The following ATP13A2 variants were observed in gnomAD, a reference collection of about 807,000 sequenced individuals.
ATP13A2 encodes ATPase cation transporting 13A2, also known as polyamine-transporting ATPase 13A2.
In ATP13A2, 83 loss-of-function variants were observed where a neutral mutation model predicts 138.3. The ratio of observed to expected loss-of-function variants is 0.60; its 90% CI spans 0.50 to 0.72. The LOEUF is 0.72. Ranked by LOEUF, ATP13A2 falls within the 30% of genes least tolerant of loss-of-function variation. The pLI, the probability that ATP13A2 is intolerant of heterozygous loss-of-function variation, is 0.00. For missense variants in ATP13A2, 1,402 were observed against 1,606.4 expected (o/e 0.87, Z 2.17); for synonymous variants, 663 against 699.0 (o/e 0.95, Z 0.81).
chr1:16,992,605 G>T, intron 16 of ATP13A2, 24 bp from the exon 17 acceptor site: 1 of 1,612,558 alleles, frequency 6.2e-7, no homozygotes. Context: ...AGGGAAGTTT[G>T]GTGTCTGGGG....
Position 16,996,510 on chromosome 1 carries a change from G to A in ATP13A2, c.1196-14C>T, listed in dbSNP as rs200896109. ...CCGTGCAGAACCCTGGGGAGGAGGC[G>A]GGGACCCCAAGGCAGGGAAGCCAGG... On this transcript the variant is annotated splice_polypyrimidine_tract_variant and intron_variant, in intron 12 of 28. Transcript: ENST00000326735. 2.4e-4 allele frequency: 392 copies of A among 1,610,934 alleles called. No individual in the cohort carries two copies. The highest frequency in any genetic ancestry group is 3.1e-4 in the Non-Finnish European group (361 of 1,177,596).
Position 16,989,896 on chromosome 1 carries a change from C to A in ATP13A2, c.2520G>T (p.Leu840=). The A allele has an allele frequency of 6.2e-7, 1 of 1,603,584 alleles. No individual in the cohort carries two copies. The highest frequency in any genetic ancestry group is 8.5e-7 in the Non-Finnish European group (1 of 1,174,836). ...FGIIVKHFPK[L]LPKVLVQGTV... ...CTGGGGGCGGCCCTACCTTGGGCAGCAGCTTGGGGAAGTGCTTCACAATGA... is the reference window on the plus strand; with the variant it reads ...CTGGGGGCGGCCCTACCTTGGGCAGAAGCTTGGGGAAGTGCTTCACAATGA... Residue 840 remains leucine (L), a synonymous_variant, in exon 22 of 29, where the codon CTG becomes CTT. Transcript: ENST00000326735.
chr1:16,986,784 C>G lies in ATP13A2; in HGVS notation c.3235+21G>C, dbSNP rs116456892. The stretch of plus-strand genomic sequence containing the variant: ...CCTCCCTCCCTCCGCCAGCATCTCC[C>G]GCCCGCGCCCGCAGTGGCACCATTG... On this transcript the variant is annotated intron_variant, in intron 27 of 28. Transcript: ENST00000326735. The surrounding 1 kb of genome is among the most constrained non-coding windows in gnomAD (Gnocchi z 6.9). 2 of 1,608,116 alleles carry G rather than the reference C, an allele frequency of 1.2e-6. No homozygotes were observed. The highest frequency in any genetic ancestry group is 1.7e-6 in the Non-Finnish European group (2 of 1,178,258).
Position 17,002,686 on chromosome 1 carries a change from C to T in ATP13A2, c.558-313G>A, listed in dbSNP as rs191410052. Among the ~76,000 whole-genome samples, 491 of 152,290 alleles carry T rather than the reference C, an allele frequency of 3.2e-3. 2 individuals are homozygous for T. Among genetic ancestry groups the T allele is most frequent in the African/African-American group, 0.01 (424 of 41,552 alleles). On this transcript the variant is annotated intron_variant, in intron 6 of 28. Coordinates refer to ENST00000326735, the MANE Select transcript of ATP13A2 (RefSeq NM_022089.4). ...CACTGATGATACCCTGGGCAAGTCA[C>T]TTAACCTCTCTGTGCCTCAGTTTTC...
intron 23 of ATP13A2, 138 bp from the exon 24 acceptor site, chr1:16,988,612 AATTATT>A (rs948267327): frequency 5.1e-5 from 40 of 790,726 alleles, no homozygotes; most frequent in African/African-American, 2.5e-4. Context: ...GAATAGATGC[AATTATT>A]ATTATTATTA....
At chr1:17,008,147 G>A (rs2077633039) in intron 1 of ATP13A2, among the ~76,000 whole-genome samples, 1 of 151,832 alleles carries the variant, frequency 6.6e-6, no homozygotes, top group African/African-American at 2.4e-5. Flanking sequence ...CAGTTTTCGT[G>A]TATAAGTCTT....
In ATP13A2 at chr1:17,004,687, C is replaced by A. The variant is rs374708010; in HGVS notation, c.477+5G>T. 1.5e-5 allele frequency: 24 copies of A among 1,614,060 alleles called. No individual in the cohort carries two copies. The highest frequency in any genetic ancestry group is 2.0e-5 in the Non-Finnish European group (24 of 1,180,034). ...GAGAGGGGCAAGGACTTTTTCAGAA[C>A]CCACCTGTCCGACACTCACCGCCTC... On this transcript the variant is annotated splice_donor_5th_base_variant and intron_variant, in intron 5 of 28. Coordinates refer to ENST00000326735, the MANE Select transcript of ATP13A2 (RefSeq NM_022089.4). The surrounding 1 kb of genome is among the most constrained non-coding windows in gnomAD (Gnocchi z 4.1).
chr1:16,996,958 T>G lies in ATP13A2; in HGVS notation c.1195+62A>C, dbSNP rs2100910705. ...GGTTCCAGGTCCCACCCTGCCTCACTCCACCTCTCCCAAGGGTGCTGAGCC... is the reference window on the plus strand; with the variant it reads ...GGTTCCAGGTCCCACCCTGCCTCACGCCACCTCTCCCAAGGGTGCTGAGCC... On this transcript the variant is annotated intron_variant, in intron 12 of 28. Coordinates refer to ENST00000326735, the MANE Select transcript of ATP13A2 (RefSeq NM_022089.4). The G allele has an allele frequency of 1.9e-6, 3 of 1,573,672 alleles. No individual in the cohort carries two copies. In the East Asian group the frequency reaches 7.0e-5, roughly 37 times the overall value.
At chr1:16,988,272 G>GGCTGACCAGCCCT (rs2076806104) in intron 24 of ATP13A2, 38 bp from the exon 25 acceptor site, 1 of 1,614,068 alleles carries the variant, frequency 6.2e-7, no homozygotes. Context: ...GACCCAGGTT[G>GGCTGACCAGCCCT]GCTGACCAGC....
At chr1:17,001,905 C>G in intron 8 of ATP13A2, 129 bp downstream of exon 8, 1 of 938,710 alleles carries the variant, frequency 1.1e-6, no homozygotes, top group Non-Finnish European at 1.6e-6. Context: ...TCTGAGATGA[C>G]GATCCACTAT....
chr1:16,992,726 A>C, intron 16 of ATP13A2, 145 bp from the exon 17 acceptor site: 1 of 798,242 alleles, frequency 1.3e-6, no homozygotes, highest in Non-Finnish European at 2.0e-6. Context: ...TCAAATTCAA[A>C]CTCTAGCTTT....
rs1415884485 is a variant in ATP13A2 at position 16,986,073 on chromosome 1, C to T, written c.*148G>A. 4.6e-6 allele frequency: 7 copies of T among 1,524,248 alleles called. No homozygotes were observed. The highest frequency in any genetic ancestry group is 6.2e-6 in the Non-Finnish European group (7 of 1,134,152). The allele number at this position is 1,524,248 out of a possible 1,614,324, so 94.4% of individuals were successfully genotyped here. The stretch of plus-strand genomic sequence containing the variant: ...TAGGGGACAGTAGTCAACGCTTCCC[C>T]AGGGTGGGGGTGGTCTCGGGGGAGG... On this transcript the variant is annotated 3_prime_UTR_variant, in exon 29 of 29. Transcript: ENST00000326735. The surrounding 1 kb of genome is among the most constrained non-coding windows in gnomAD (Gnocchi z 6.9).
chr1:16,993,715 G>C lies in ATP13A2; in HGVS notation c.1663C>G (p.Leu555Val), dbSNP rs1208562568. The C allele has an allele frequency of 1.3e-6, 2 of 1,593,954 alleles. No individual in the cohort carries two copies. Among genetic ancestry groups the C allele is most frequent in the East Asian group, 2.3e-5 (1 of 44,038 alleles). ...CGGCTGAGGGCATGGCAGGTGGCCA[G>C]TGCTCGGAGCAGGGGCCCCACAGGC... ...RLPVGPLLRA[L>V]ATCHALSRLQ... Residue 555 changes from leucine to valine, a missense_variant, in exon 16 of 29, where the codon CTG (leucine) becomes GTG (valine). By Grantham distance (32) the Leu-to-Val change is conservative. Coordinates refer to ENST00000326735, the MANE Select transcript of ATP13A2 (RefSeq NM_022089.4).
At chr1:16,987,640 G>C (rs1385316598) in intron 25 of ATP13A2, among the ~76,000 whole-genome samples, 1 of 152,230 alleles carries the variant, frequency 6.6e-6, no homozygotes, top group African/African-American at 2.4e-5. Context: ...GGCAGACACA[G>C]GGACAGACCC....
intron 6 of ATP13A2, 89 bp from the exon 7 acceptor site, chr1:17,002,462 A>C: frequency 6.9e-7 from 1 of 1,451,060 alleles, no homozygotes; most frequent in South Asian, 1.2e-5. Context: ...TATGGGCTCT[A>C]GGCCCCCCAT....
At position 16,986,175 on chromosome 1, in the gene ATP13A2, C is replaced by T. The variant is rs2076710304; in HGVS notation, c.*46G>A. The T allele has an allele frequency of 2.0e-5, 33 of 1,612,084 alleles. No homozygotes were observed. The highest frequency in any genetic ancestry group is 2.8e-5 in the Non-Finnish European group (33 of 1,179,422). ...TGCTGGAGAGGGGTCCAGTTGGTGG[C>T]TCAGAGGCAGGGAGTTCCAGTGTCT... On this transcript the variant is annotated 3_prime_UTR_variant, in exon 29 of 29. Coordinates refer to ENST00000326735, the MANE Select transcript of ATP13A2 (RefSeq NM_022089.4). The surrounding 1 kb of genome is among the most constrained non-coding windows in gnomAD (Gnocchi z 6.9).
rs917853844 is a variant in ATP13A2, at chr1:16,995,776, G to A, written c.1542+200C>T. ...CCAGTTCTTGAACACATGAATACAT[G>A]ATTCTAGACATTTCATCTGCCAGAC... On this transcript the variant is annotated intron_variant, in intron 15 of 28. Coordinates refer to ENST00000326735, the MANE Select transcript of ATP13A2 (RefSeq NM_022089.4). The surrounding 1 kb of genome is among the most constrained non-coding windows in gnomAD (Gnocchi z 4.1). 1.3e-6 allele frequency: 1 copy of A among 741,948 alleles called. No homozygotes were observed. The allele number at this position is 741,948 out of a possible 1,614,324, so 46.0% of individuals were successfully genotyped here. A position where few individuals can be genotyped will look rare whatever the true frequency, so the allele number is the denominator to read the frequency against.
rs1274385640 is a variant in ATP13A2 at position 16,990,307 on chromosome 1, G to A, written c.2252-20C>T. 1.9e-6 allele frequency: 3 copies of A among 1,613,622 alleles called. No homozygotes were observed. The highest frequency in any genetic ancestry group is 1.7e-5 in the Admixed American group (1 of 60,000). ...TGTCCCCTGGGGGTTATGGGGCAAGGTGAGGGTCTGAGGCTATCCGGGGAG... is the reference window on the plus strand; with the variant it reads ...TGTCCCCTGGGGGTTATGGGGCAAGATGAGGGTCTGAGGCTATCCGGGGAG... On this transcript the variant is annotated intron_variant, in intron 20 of 28. Coordinates refer to ENST00000326735, the MANE Select transcript of ATP13A2 (RefSeq NM_022089.4).
At position 17,011,892 on chromosome 1, in the gene ATP13A2, G is replaced by GCACCTGGGC. The variant is rs1203942152; in HGVS notation, c.-163_-155dup. The GCACCTGGGC allele has an allele frequency of 1.5e-6, 1 of 654,732 alleles. No homozygotes were observed. Among genetic ancestry groups the GCACCTGGGC allele is most frequent in the Non-Finnish European group, 1.9e-6 (1 of 522,340 alleles). 40.6% of individuals were successfully genotyped at this position (654,732 alleles called of 1,614,324 possible). A position where few individuals can be genotyped will look rare whatever the true frequency, so the allele number is the denominator to read the frequency against. ...CTGGAGCAGGGCTGACGCGGGCGGGGCACCTGGGCCACCAGGCTCGGCGCG... is the reference window on the plus strand; with the variant it reads ...CTGGAGCAGGGCTGACGCGGGCGGGGCACCTGGGCCACCTGGGCCACCAGGCTCGGCGCG... On this transcript the variant is annotated 5_prime_UTR_variant, in exon 1 of 29. Coordinates refer to ENST00000326735, the MANE Select transcript of ATP13A2 (RefSeq NM_022089.4). The surrounding 1 kb of genome is among the most constrained non-coding windows in gnomAD (Gnocchi z 7.3).
Sources: allele counts gnomAD v4.1 joint callset (sites outside exome capture counted in the v4.1 genomes callset), GRCh38; gene constraint gnomAD v4.1.1; non-coding constraint Gnocchi (gnomAD v3.1); transcripts MANE v1.5; gene names NCBI Gene and HGNC (gene_info 2026-07-23, HGNC 2026-07-21).